MTSS2: variants seen among roughly 807,000 people sequenced by gnomAD.
MTSS2 encodes the protein protein MTSS 2.
MTSS2 carries 27 observed loss-of-function variants against 67.1 expected under a neutral mutation model. That is an observed-to-expected ratio of 0.40 (90% confidence interval 0.30 to 0.55). The LOEUF (loss-of-function observed/expected upper bound fraction) is 0.55, where lower values mean the gene tolerates loss of function less well. Ranked by LOEUF, MTSS2 falls within the 20% of genes least tolerant of loss-of-function variation. MTSS2 has a pLI of 0.43. For synonymous variants in MTSS2, 624 were observed against 468.6 expected, an observed-to-expected ratio of 1.33 and a Z score of -4.28; for missense variants, 1,171 against 1,067.8, an observed-to-expected ratio of 1.10 and a Z score of -1.35.
At chr16:70,681,112 A>G in intron 1 of MTSS2, 87 bp from the exon 2 acceptor site, 1 of 1,293,180 alleles carries the variant, frequency 7.7e-7, no homozygotes, top group South Asian at 1.4e-5. Flanking sequence ...TGCTCCATCC[A>G]GACTTGGGGC....
intron 1 of MTSS2, 48 bp downstream of exon 1, chr16:70,685,675 G>A: frequency 1.7e-6 from 2 of 1,150,380 alleles, no homozygotes; most frequent in South Asian, 2.6e-5. Context: ...GTCCCCGGGG[G>A]GTCCCGCACC....
At position 70,681,007 on chromosome 16, in the gene MTSS2, CCCA is replaced by C; in HGVS notation, c.85_87del (p.Trp29del). On this transcript the variant is annotated inframe_deletion, in exon 2 of 15. Transcript: ENST00000338779. ...TTCGTGGCCTTGGAGTTGAAGTCCTCCCAGATAGGGTAGGAGCTCTGCCGGGCA... is the reference window on the plus strand; with the variant it reads ...TTCGTGGCCTTGGAGTTGAAGTCCTCGATAGGGTAGGAGCTCTGCCGGGCA... The C allele has an allele frequency of 6.2e-7, 1 of 1,610,150 alleles. No homozygotes were observed. Among genetic ancestry groups the C allele is most frequent in the Non-Finnish European group, 8.5e-7 (1 of 1,178,702 alleles).
chr16:70,667,597 G>A (rs1255931874), intron 11 of MTSS2, among the ~76,000 whole-genome samples: 3 of 152,166 alleles, frequency 2.0e-5, no homozygotes, highest in African/African-American at 7.2e-5. Context: ...AACAAGCTGG[G>A]CATGGTGGCT....
intron 8 of MTSS2, 55 bp from the exon 9 acceptor site, chr16:70,677,954 C>T: frequency 2.1e-6 from 3 of 1,401,866 alleles, no homozygotes; most frequent in Non-Finnish European, 2.9e-6. Flanking sequence ...GCCCGCCTGC[C>T]CAGCGCCCCT....
rs577786560 is a variant in MTSS2, at chr16:70,675,110, A to G, written c.831-582T>C. On this transcript the variant is annotated intron_variant, in intron 10 of 14. Transcript: ENST00000338779. ...CCTAGGAGAGCAAGGCTCTGTCTTG[A>G]AAAAAAAAAAAAGAAACAAGAAACA... 5.5e-4 allele frequency among the ~76,000 whole-genome samples: 65 copies of G among 117,714 alleles called. 1 individual carries two copies. The highest frequency in any genetic ancestry group is 9.2e-4 in the Admixed American group (11 of 12,008). 77.2% of individuals were successfully genotyped at this position (117,714 alleles called of 152,430 possible).
At position 70,661,813 on chromosome 16, in the gene MTSS2, C is replaced by CCACTGCCCCT; in HGVS notation, c.*1854_*1863dup. 1 of 179,512 alleles carries CCACTGCCCCT rather than the reference C, an allele frequency of 5.6e-6. No homozygotes were observed. The highest frequency in any genetic ancestry group is 1.8e-4 in the East Asian group (1 of 5,700). 11.1% of individuals were successfully genotyped at this position (179,512 alleles called of 1,614,324 possible). A position where few individuals can be genotyped will look rare whatever the true frequency, so the allele number is the denominator to read the frequency against. On this transcript the variant is annotated 3_prime_UTR_variant, in exon 15 of 15. Transcript: ENST00000338779. ...ACCTCTGACGCCCAGGTCTGCCCACCCACTGCCCCTCACTCTATTCCCACC... is the reference window on the plus strand; with the variant it reads ...ACCTCTGACGCCCAGGTCTGCCCACCCACTGCCCCTCACTGCCCCTCACTCTATTCCCACC...
At position 70,663,602 on chromosome 16, in the gene MTSS2, C is replaced by T. The variant is rs1467829988; in HGVS notation, c.*75G>A. On this transcript the variant is annotated 3_prime_UTR_variant, in exon 15 of 15. Coordinates refer to ENST00000338779, the MANE Select transcript of MTSS2 (RefSeq NM_138383.3). Reference sequence around the variant, plus strand: ...GTCCTCTCTCCTGGCTGGGCCTTTGCTCTGAGTGCCTGCGGCTCACAGACC... The same window carrying T: ...GTCCTCTCTCCTGGCTGGGCCTTTGTTCTGAGTGCCTGCGGCTCACAGACC... 12 of 1,466,066 alleles carry T rather than the reference C, an allele frequency of 8.2e-6. No individual in the cohort carries two copies. The highest frequency in any genetic ancestry group is 9.9e-6 in the Non-Finnish European group (11 of 1,107,446). The allele number at this position is 1,466,066 out of a possible 1,614,324, so 90.8% of individuals were successfully genotyped here.
chr16:70,678,011 C>G (rs766494820), intron 8 of MTSS2, 112 bp from the exon 9 acceptor site: 1 of 1,029,184 alleles, frequency 9.7e-7, no homozygotes, highest in Non-Finnish European at 1.4e-6. Flanking sequence ...CACCCCTCCT[C>G]GCTAACCAAT....
chr16:70,685,756 GC>G lies in MTSS2; in HGVS notation c.35del (p.Gly12AlafsTer7). 2 of 1,391,594 alleles carry G rather than the reference GC, an allele frequency of 1.4e-6. No individual in the cohort carries two copies. Among genetic ancestry groups the G allele is most frequent in the Non-Finnish European group, 1.9e-6 (2 of 1,053,362 alleles). The allele number at this position is 1,391,594 out of a possible 1,614,324, so 86.2% of individuals were successfully genotyped here. A position where few individuals can be genotyped will look rare whatever the true frequency, so the allele number is the denominator to read the frequency against. Reference sequence around the variant, plus strand: ...CGTTGACTATGGCCTGGAAGAGCCCGCCCAGGGCGCCGCACTCCTTCTCCGC... The same window carrying G: ...CGTTGACTATGGCCTGGAAGAGCCCGCCAGGGCGCCGCACTCCTTCTCCGC... ...ETAEKECGAL[G>X]GLFQAIVNDM... On this transcript the variant is annotated frameshift_variant, in exon 1 of 15. Coordinates refer to ENST00000338779, the MANE Select transcript of MTSS2 (RefSeq NM_138383.3). LOFTEE classifies it high-confidence loss of function.
chr16:70,675,897 C>A (rs533192047), intron 10 of MTSS2, among the ~76,000 whole-genome samples: 2 of 152,352 alleles, frequency 1.3e-5, no homozygotes, highest in South Asian at 4.1e-4. Context: ...CTATGGCTCA[C>A]ACCCTCAGCA....
rs763222001 is a variant in MTSS2, at chr16:70,685,712, G to T, written c.69+11C>A. 1 of 1,326,444 alleles carries T rather than the reference G, an allele frequency of 7.5e-7. No individual in the cohort carries two copies. The allele number at this position is 1,326,444 out of a possible 1,614,324, so 82.2% of individuals were successfully genotyped here. A position where few individuals can be genotyped will look rare whatever the true frequency, so the allele number is the denominator to read the frequency against. On this transcript the variant is annotated intron_variant, in intron 1 of 14. Coordinates refer to ENST00000338779, the MANE Select transcript of MTSS2 (RefSeq NM_138383.3). ...GTCGCCGCGCGCCCGGCCCCGCCGC[G>T]CCCCGGTTACCTTCATGTCGTTGAC...
chr16:70,680,908 C>CGGGGGGGGGGGGGGGGGGGGGG, intron 2 of MTSS2, 41 bp from the exon 3 acceptor site: 3 of 1,174,314 alleles, frequency 2.6e-6, no homozygotes, highest in South Asian at 1.5e-5. Context: ...GGTGGTTGGG[C>CGGGGGGGGGGGGGGGGGGGGGG]GGGGGGGGGG....
chr16:70,667,278 CAA>C (rs34779308), intron 11 of MTSS2, among the ~76,000 whole-genome samples: 28 of 69,782 alleles, frequency 4.0e-4, no homozygotes, highest in South Asian at 1.2e-3. Context: ...GACTCTGTCT[CAA>C]AAAAAAAAAA....
At chr16:70,668,300 T>G (rs541645083) in intron 11 of MTSS2, among the ~76,000 whole-genome samples, 1 of 151,638 alleles carries the variant, frequency 6.6e-6, no homozygotes, top group South Asian at 2.1e-4. Context: ...TCCCAGCTAC[T>G]CAGGAGGCTG....
chr16:70,675,369 G>A (rs2053083282), intron 10 of MTSS2, among the ~76,000 whole-genome samples: 1 of 152,252 alleles, frequency 6.6e-6, no homozygotes, highest in South Asian at 2.1e-4. Context: ...GCCACAGTGA[G>A]CCATGATTGT....
chr16:70,685,477 G>C (rs2053423236), intron 1 of MTSS2, among the ~76,000 whole-genome samples: 1 of 152,054 alleles, frequency 6.6e-6, no homozygotes, highest in Non-Finnish European at 1.5e-5. Flanking sequence ...GTGTGCACAG[G>C]CTCGGGTCAG....
Position 70,680,756 on chromosome 16 carries a change from C to A in MTSS2, c.205+38G>T, listed in dbSNP as rs1400234976. The A allele has an allele frequency of 2.6e-6, 4 of 1,542,920 alleles. No homozygotes were observed. In the African/African-American group the frequency reaches 5.5e-5, roughly 21 times the overall value. On this transcript the variant is annotated intron_variant, in intron 3 of 14. Coordinates refer to ENST00000338779, the MANE Select transcript of MTSS2 (RefSeq NM_138383.3). ...TTCCTTTCCAGCCTCCAGGCCCACC[C>A]TGGGGCAACCCCAACCTCCAGCCAC... is the stretch of plus-strand genomic sequence containing the variant.
intron 3 of MTSS2, 37 bp from the exon 4 acceptor site, chr16:70,680,092 G>A: frequency 7.0e-7 from 1 of 1,426,998 alleles, no homozygotes; most frequent in Non-Finnish European, 9.2e-7. Flanking sequence ...GGGGCCCGCT[G>A]GGGCCTGCGC....
rs1221242911 is a variant in MTSS2, at chr16:70,681,033, G to A, written c.70-8C>T. The A allele has an allele frequency of 6.2e-7, 1 of 1,606,474 alleles. No individual in the cohort carries two copies. On this transcript the variant is annotated splice_region_variant and splice_polypyrimidine_tract_variant and intron_variant, in intron 1 of 14. Transcript: ENST00000338779. ...CCAGATAGGGTAGGAGCTCTGCCGG[G>A]CAAATGGGAGAGAAAGTGAGCTTCT...
Sources: allele counts gnomAD v4.1 joint callset (sites outside exome capture counted in the v4.1 genomes callset), GRCh38; gene constraint gnomAD v4.1.1; transcripts MANE v1.5; gene names NCBI Gene and HGNC (gene_info 2026-07-23, HGNC 2026-07-21).